The following PEAR1 variants were observed in gnomAD, a reference collection of about 807,000 sequenced individuals.
PEAR1 encodes the protein multiple EGF-like domains protein 12.
In PEAR1, 113 loss-of-function variants were observed where a neutral mutation model predicts 131.2. That is an observed-to-expected ratio of 0.86 (90% CI 0.74 to 1.01). The LOEUF (loss-of-function observed/expected upper bound fraction) is 1.01. Among genes scored for constraint, PEAR1 ranks in the 50% least tolerant of loss-of-function variants. PEAR1 has a pLI of 0.00. For missense variants in PEAR1, 1,408 were observed against 1,391.1 expected (o/e 1.01, Z -0.19); for synonymous variants, 565 against 523.3 (o/e 1.08, Z -1.09).
At chr1:156,896,542 T>C (rs1242309290) in intron 1 of PEAR1, among the ~76,000 whole-genome samples, 7 of 152,230 alleles carry the variant, frequency 4.6e-5, no homozygotes, top group Admixed American at 1.3e-4. Context: ...GGGGTTGCGA[T>C]TGATGTGTGA....
At chr1:156,906,453 A>C in intron 5 of PEAR1, 85 bp downstream of exon 5, 1 of 1,558,400 alleles carries the variant, frequency 6.4e-7, no homozygotes, top group African/African-American at 1.4e-5. Context: ...ACCAGGGCAC[A>C]GGGGCTTAGG....
At chr1:156,905,128 A>G (rs1650119168) in intron 3 of PEAR1, 196 bp from the exon 4 acceptor site, 2 of 1,204,480 alleles carry the variant, frequency 1.7e-6, no homozygotes, top group African/African-American at 3.0e-5. Flanking sequence ...TTAATAGACA[A>G]GGTCTCGCTC....
At chr1:156,897,172 C>G (rs1649247170) in intron 1 of PEAR1, among the ~76,000 whole-genome samples, 1 of 152,170 alleles carries the variant, frequency 6.6e-6, no homozygotes, top group Non-Finnish European at 1.5e-5. Context: ...TAAGTGCTGG[C>G]CAGTCCTGGG....
chr1:156,908,108 T>A lies in PEAR1; in HGVS notation c.903-20T>A. On this transcript the variant is annotated intron_variant, in intron 8 of 22. Coordinates refer to ENST00000292357, the MANE Select transcript of PEAR1 (RefSeq NM_001080471.3). This position sits in a 1 kb window ranked among gnomAD's most constrained non-coding sequence, Gnocchi z 4.2. ...GGGAGGAGGTGGGGCGCCGCCAGGC[T>A]CACTCAGCTAGGTGCCCAGGTGCCG... 6.3e-7 allele frequency: 1 copy of A among 1,593,092 alleles called. No individual in the cohort carries two copies. The highest frequency in any genetic ancestry group is 8.5e-7 in the Non-Finnish European group (1 of 1,169,748).
chr1:156,895,121 G>T (rs1649038212), intron 1 of PEAR1, among the ~76,000 whole-genome samples: 1 of 152,186 alleles, frequency 6.6e-6, no homozygotes, highest in South Asian at 2.1e-4. Flanking sequence ...TAGGAGCTGG[G>T]TTGGCCAGAC....
chr1:156,909,070 G>A (rs1355491851), intron 11 of PEAR1, 34 bp downstream of exon 11: 1 of 1,612,308 alleles, frequency 6.2e-7, no homozygotes, highest in African/African-American at 1.3e-5. Context: ...GAGAAGACTT[G>A]GGGGATGGCC....
At chr1:156,911,105 T>C (rs1409342473) in intron 15 of PEAR1, among the ~76,000 whole-genome samples, 2 of 129,338 alleles carry the variant, frequency 1.5e-5, no homozygotes, top group Non-Finnish European at 3.2e-5. Context: ...TTTCTTTCTT[T>C]CTTTTCTTTC....
At position 156,913,767 on chromosome 1, in the gene PEAR1, G is replaced by C; in HGVS notation, c.2713+7G>C. On this transcript the variant is annotated splice_region_variant and intron_variant, in intron 21 of 22. Coordinates refer to ENST00000292357, the MANE Select transcript of PEAR1 (RefSeq NM_001080471.3). Reference sequence around the variant, plus strand: ...GGCCCATTCTACAATAAAGGTATGGGCACAGGGGCAACAAGGGAGGTGGCT... The same window carrying C: ...GGCCCATTCTACAATAAAGGTATGGCCACAGGGGCAACAAGGGAGGTGGCT... The C allele has an allele frequency of 1.2e-6, 2 of 1,613,628 alleles. No individual in the cohort carries two copies. The highest frequency in any genetic ancestry group is 1.7e-6 in the Non-Finnish European group (2 of 1,179,684).
chr1:156,901,704 A>C (rs1649697816), intron 1 of PEAR1, among the ~76,000 whole-genome samples: 1 of 151,968 alleles, frequency 6.6e-6, no homozygotes, highest in Non-Finnish European at 1.5e-5. Context: ...GGAAGAGGGG[A>C]GTGTGGAGAC....
At chr1:156,901,093 C>T (rs1467966365) in intron 1 of PEAR1, among the ~76,000 whole-genome samples, 1 of 152,214 alleles carries the variant, frequency 6.6e-6, no homozygotes, top group Non-Finnish European at 1.5e-5. Context: ...CTGCCAGGAC[C>T]CCCATCTCAT....
intron 3 of PEAR1, 91 bp downstream of exon 3, chr1:156,904,943 GA>G: frequency 1.3e-6 from 2 of 1,582,680 alleles, no homozygotes; most frequent in Non-Finnish European, 1.7e-6. Context: ...TCACTTCTCA[GA>G]AACTCAGAGG....
chr1:156,896,198 T>C (rs1649145873), intron 1 of PEAR1, among the ~76,000 whole-genome samples: 1 of 152,238 alleles, frequency 6.6e-6, no homozygotes, highest in African/African-American at 2.4e-5. Flanking sequence ...TTTTCTGGGA[T>C]ATTTCTTCAT....
Position 156,908,432 on chromosome 1 carries a change from G to A in PEAR1, c.1115+92G>A, listed in dbSNP as rs989949682. The A allele has an allele frequency of 2.6e-5, 36 of 1,382,070 alleles. No individual in the cohort carries two copies. In the African/African-American group the frequency reaches 3.5e-4, roughly 13 times the overall value. The allele number at this position is 1,382,070 out of a possible 1,614,324, so 85.6% of individuals were successfully genotyped here. A position where few individuals can be genotyped will look rare whatever the true frequency, so the allele number is the denominator to read the frequency against. On this transcript the variant is annotated intron_variant, in intron 9 of 22. Coordinates refer to ENST00000292357, the MANE Select transcript of PEAR1 (RefSeq NM_001080471.3). This position sits in a 1 kb window ranked among gnomAD's most constrained non-coding sequence, Gnocchi z 4.2. The stretch of plus-strand genomic sequence containing the variant: ...CCACAGAGCCAGGGCCATATCCAAG[G>A]GGGACAGGTGTCACAGAAGGGGAAA...
At position 156,912,250 on chromosome 1, in the gene PEAR1, G is replaced by T; in HGVS notation, c.1955G>T (p.Cys652Phe). The change falls in exon 16 of 23, where the codon TGC becomes TTC. Residue 652 changes from cysteine to phenylalanine, a missense_variant. Cys to Phe is a radical substitution (Grantham distance 205). Coordinates refer to ENST00000292357, the MANE Select transcript of PEAR1 (RefSeq NM_001080471.3). Reference sequence around the variant, plus strand: ...ACAGGCCCCATGTCTCCCGTAGCATGCCCTCCAGGACACTGGGGAGAAAAC... The same window carrying T: ...ACAGGCCCCATGTCTCCCGTAGCATTCCCTCCAGGACACTGGGGAGAAAAC... ...GWTGPDCSQP[C>F]PPGHWGENCA... is the part of the protein sequence containing the mutation. 4 of 1,611,458 alleles carry T rather than the reference G, an allele frequency of 2.5e-6. No individual in the cohort carries two copies. The highest frequency in any genetic ancestry group is 3.4e-6 in the Non-Finnish European group (4 of 1,179,002).
At position 156,914,782 on chromosome 1, in the gene PEAR1, G is replaced by C; in HGVS notation, c.3098G>C (p.Arg1033Pro). The change falls in exon 23 of 23, where the codon CGA becomes CCA. Residue 1033 changes from arginine to proline, a missense_variant. Physicochemically the swap from Arg to Pro is moderately radical, Grantham distance 103. Coordinates refer to ENST00000292357, the MANE Select transcript of PEAR1 (RefSeq NM_001080471.3). ...PVRHPPSPPL[R>P]RQDR ...CGGCATCCCCCATCACCTCCACTTC[G>C]ACGCCAGGACCGTTGAGGAGCCAGG... 7 of 1,613,882 alleles carry C rather than the reference G, an allele frequency of 4.3e-6. No individual in the cohort carries two copies. The highest frequency in any genetic ancestry group is 5.9e-6 in the Non-Finnish European group (7 of 1,179,854).
intron 11 of PEAR1, among the ~76,000 whole-genome samples, chr1:156,909,411 C>T (rs191093065): frequency 1.4e-4 from 22 of 152,290 alleles, no homozygotes; most frequent in Admixed American, 1.3e-3. Flanking sequence ...GCTAACAAGT[C>T]TCCCATCTTC....
chr1:156,897,690 G>A (rs578012689), intron 1 of PEAR1, among the ~76,000 whole-genome samples: 1 of 152,382 alleles, frequency 6.6e-6, no homozygotes, highest in East Asian at 1.9e-4. Context: ...CTGGAGAGCA[G>A]GGAGGAGGGC....
At position 156,910,361 on chromosome 1, in the gene PEAR1, G is replaced by C; in HGVS notation, c.1806G>C (p.Arg602=). The change falls in exon 14 of 23, where the codon CGG becomes CGC. Residue 602 remains arginine (R), a synonymous_variant. Coordinates refer to ENST00000292357, the MANE Select transcript of PEAR1 (RefSeq NM_001080471.3). ...ACTGCGTGTGTGCACCCGGATTCCG[G>C]GGCCCCTCCTGCCAGAGATGTGAGG... The part of the protein sequence containing the change: ...NGNCVCAPGF[R]GPSCQRSCQP... The C allele has an allele frequency of 1.9e-6, 3 of 1,602,100 alleles. No homozygotes were observed. The highest frequency in any genetic ancestry group is 2.6e-6 in the Non-Finnish European group (3 of 1,173,932).
intron 1 of PEAR1, among the ~76,000 whole-genome samples, chr1:156,903,351 G>C (rs56385313): frequency 6.6e-6 from 1 of 152,126 alleles, no homozygotes; most frequent in African/African-American, 2.4e-5. Context: ...TTCCTGAGCC[G>C]CTCTGACTGT....
Sources: allele counts gnomAD v4.1 joint callset (sites outside exome capture counted in the v4.1 genomes callset), GRCh38; gene constraint gnomAD v4.1.1; non-coding constraint Gnocchi (gnomAD v3.1); transcripts MANE v1.5; gene names NCBI Gene and HGNC (gene_info 2026-07-23, HGNC 2026-07-21).